The following AKAP9 variants were observed in gnomAD, a reference collection of about 807,000 sequenced individuals.
AKAP9 encodes the protein A-kinase anchoring protein 9, also known as A-kinase anchor protein 9.
In AKAP9, 311 loss-of-function variants were observed where a neutral mutation model predicts 488.5. The observed-to-expected ratio is 0.64, with a 90% CI of 0.58 to 0.70. The LOEUF (loss-of-function observed/expected upper bound fraction) is 0.70. Among genes scored for constraint, AKAP9 ranks in the 30% least tolerant of loss-of-function variants. The pLI is 0.00. For missense variants in AKAP9, 4,215 were observed against 4,374.5 expected, an observed-to-expected ratio of 0.96 and a Z score of 1.03; for synonymous variants, 1,462 against 1,483.5, an observed-to-expected ratio of 0.99 and a Z score of 0.33.
At chr7:92,061,996 C>T (rs1359940204) in intron 23 of AKAP9, among the ~76,000 whole-genome samples, 1 of 152,128 alleles carries the variant, frequency 6.6e-6, no homozygotes, top group East Asian at 1.9e-4. Flanking sequence ...AAGTGACTTA[C>T]ACCTACATAA....
chr7:92,062,081 A>G (rs535969091), intron 23 of AKAP9, among the ~76,000 whole-genome samples, 193 bp from the exon 24 acceptor site: 1 of 152,308 alleles, frequency 6.6e-6, no homozygotes, highest in East Asian at 1.9e-4. Context: ...TAAACAAGGA[A>G]ATGTCTGCAT....
At chr7:91,990,907 G>T (rs1246161293) in intron 3 of AKAP9, among the ~76,000 whole-genome samples, 2 of 152,116 alleles carry the variant, frequency 1.3e-5, no homozygotes, top group South Asian at 2.1e-4. Flanking sequence ...ATTGTGCCTT[G>T]TTCTGGTAGC....
At position 92,018,431 on chromosome 7, in the gene AKAP9, CACACACACACAG is replaced by C. The variant is rs773939162; in HGVS notation, c.3837+1331_3837+1342del. On this transcript the variant is annotated intron_variant, in intron 12 of 49. Transcript: ENST00000356239. ...ACACACACACACACACACACACACA[CACACACACACAG>C]AGAAATATTCAAAACTAAATGTTCT... is the stretch of plus-strand genomic sequence containing the variant. Among the ~76,000 whole-genome samples the C allele has an allele frequency of 2.3e-3, 321 of 138,424 alleles. 4 individuals are homozygous for C. The highest frequency in any genetic ancestry group is 5.0e-3 in the African/African-American group (183 of 36,480). 90.8% of individuals were successfully genotyped at this position (138,424 alleles called of 152,430 possible).
chr7:92,007,543 A>T (rs931742725), intron 8 of AKAP9, among the ~76,000 whole-genome samples: 1 of 152,240 alleles, frequency 6.6e-6, no homozygotes, highest in Non-Finnish European at 1.5e-5. Flanking sequence ...AAATAAAATT[A>T]TAACACTTTA....
chr7:92,106,720 A>C (rs546864654), intron 47 of AKAP9, among the ~76,000 whole-genome samples: 2 of 152,342 alleles, frequency 1.3e-5, no homozygotes, highest in Admixed American at 1.3e-4. Context: ...AGGACACAGC[A>C]TCCCTGTGCT....
chr7:91,940,967 C>A lies in AKAP9; in HGVS notation c.-133C>A. On this transcript the variant is annotated 5_prime_UTR_variant, in exon 1 of 50. Transcript: ENST00000356239. Reference sequence around the variant, plus strand: ...GCGCGGAGACTGCTTCCACTTCGGGCGGGGGAGCGCCGGACCGAATCGGCT... The same window carrying A: ...GCGCGGAGACTGCTTCCACTTCGGGAGGGGGAGCGCCGGACCGAATCGGCT... 1 of 934,560 alleles carries A rather than the reference C, an allele frequency of 1.1e-6. No individual in the cohort carries two copies. The highest frequency in any genetic ancestry group is 1.7e-6 in the Non-Finnish European group (1 of 572,826). The allele number at this position is 934,560 out of a possible 1,614,324, so 57.9% of individuals were successfully genotyped here. A position where few individuals can be genotyped will look rare whatever the true frequency, so the allele number is the denominator to read the frequency against.
chr7:92,014,282 G>A lies in AKAP9; in HGVS notation c.3566G>A (p.Gly1189Glu), dbSNP rs771485090. The A allele has an allele frequency of 6.8e-6, 11 of 1,613,354 alleles. No homozygotes were observed. The highest frequency in any genetic ancestry group is 6.7e-5 in the Admixed American group (4 of 59,994). ...DEGKPLHLLI[G>E]KLQKAVSEEC... ...GGAAAGCCTTTACATCTGCTCATTG[G>A]AAAACTTCAAAAGGCAGTGTCTGAA... The change falls in exon 10 of 50, where the codon GGA (glycine) becomes GAA (glutamate). Residue 1189 changes from glycine to glutamate, a missense_variant. Transcript: ENST00000356239.
chr7:91,988,080 T>C (rs1233173508), intron 3 of AKAP9, among the ~76,000 whole-genome samples: 1 of 152,040 alleles, frequency 6.6e-6, no homozygotes, highest in Non-Finnish European at 1.5e-5. Context: ...CTTGGGAGGC[T>C]GAGGTTACAT....
chr7:92,094,831 C>T (rs751020232), intron 39 of AKAP9, among the ~76,000 whole-genome samples, 192 bp from the exon 40 acceptor site: 5 of 151,940 alleles, frequency 3.3e-5, no homozygotes, highest in Admixed American at 6.6e-5. Flanking sequence ...GACTCCGTCT[C>T]GAAACAAAAC....
At chr7:92,104,529 A>G (rs1304162839) in intron 46 of AKAP9, among the ~76,000 whole-genome samples, 1 of 152,110 alleles carries the variant, frequency 6.6e-6, no homozygotes, top group African/African-American at 2.4e-5. Flanking sequence ...TTTAATTGGA[A>G]GCTGTCTGAG....
In AKAP9 at chr7:92,001,322, G is replaced by A; in HGVS notation, c.1405G>A (p.Gly469Arg). The A allele has an allele frequency of 6.2e-7, 1 of 1,613,812 alleles. No homozygotes were observed. The highest frequency in any genetic ancestry group is 8.5e-7 in the Non-Finnish European group (1 of 1,179,820). ...QMEEMKTRHK[G>R]EMENALRSYS... ...GGAGGAAATGAAAACACGGCATAAG[G>A]GAGAAATGGAGAATGCTTTAAGGTC... is the stretch of plus-strand genomic sequence containing the variant. Residue 469 changes from glycine (G) to arginine (R), a missense_variant, in exon 8 of 50, where the codon GGA becomes AGA. This residue lies in a region of AKAP9 where 2,361 missense variants were observed against 2,430.0 expected (regional missense o/e 0.97). Coordinates refer to ENST00000356239, the MANE Select transcript of AKAP9 (RefSeq NM_005751.5).
rs959842634 is a variant in AKAP9, at chr7:91,944,300, G to A, written c.48+3153G>A. Among the ~76,000 whole-genome samples, 5 of 152,054 alleles carry A rather than the reference G, an allele frequency of 3.3e-5. 1 individual carries two copies. In the Middle Eastern group the frequency reaches 0.01, roughly 312 times the overall value. ...AAATCGTGGCTATCTCTGGGTGGTG[G>A]CTTATAGGCAATTTTAATTTTCTTT... On this transcript the variant is annotated intron_variant, in intron 1 of 49. Coordinates refer to ENST00000356239, the MANE Select transcript of AKAP9 (RefSeq NM_005751.5).
chr7:92,009,948 C>G (rs997831197), intron 8 of AKAP9, among the ~76,000 whole-genome samples: 1 of 152,112 alleles, frequency 6.6e-6, no homozygotes, highest in African/African-American at 2.4e-5. Flanking sequence ...CAGACAATCA[C>G]ATTTCACTAT....
At position 92,002,038 on chromosome 7, in the gene AKAP9, GTC is replaced by G; in HGVS notation, c.2125_2126del (p.Leu709CysfsTer14). On this transcript the variant is annotated frameshift_variant, in exon 8 of 50. Coordinates refer to ENST00000356239, the MANE Select transcript of AKAP9 (RefSeq NM_005751.5). LOFTEE classifies it high-confidence loss of function. ...EISKLKDLQQ[S>X]LVNSKSEEMT... is the part of the protein sequence containing the mutation. The stretch of plus-strand genomic sequence containing the variant: ...TTTCAAAGCTAAAAGATTTACAGCA[GTC>G]TCTTGTAAATTCAAAGTCAGAAGAA... The G allele has an allele frequency of 6.2e-7, 1 of 1,606,318 alleles. No homozygotes were observed. The highest frequency in any genetic ancestry group is 8.5e-7 in the Non-Finnish European group (1 of 1,177,674).
Position 92,108,496 on chromosome 7 carries a change from A to G in AKAP9, c.11549A>G (p.Tyr3850Cys), listed in dbSNP as rs751615449. 1.7e-5 allele frequency: 27 copies of G among 1,613,960 alleles called. No homozygotes were observed. The South Asian group carries it at 2.1e-4, about 12-fold the overall frequency. ...TGTACATATTTTTAATCCTTTAGGT[A>G]CCCAGGCACTCCAGCTGATTTCAAT... ...IRSPLPFQNRYPGTPADFNPG... is the reference protein window; with the variant it reads ...IRSPLPFQNRCPGTPADFNPG... Residue 3850 changes from tyrosine (Y) to cysteine (C), a missense_variant and splice_region_variant, in exon 49 of 50, where the codon TAC becomes TGC. Physicochemically the swap from Tyr to Cys is radical, Grantham distance 194 (BLOSUM62 -2). Transcript: ENST00000356239.
intron 16 of AKAP9, among the ~76,000 whole-genome samples, chr7:92,033,767 A>G (rs1025147925): frequency 7.2e-5 from 11 of 152,194 alleles, no homozygotes; most frequent in African/African-American, 2.7e-4. Flanking sequence ...GCACAAGGCT[A>G]TATAGAAGAA....
In AKAP9 at chr7:92,086,212, A is replaced by G. The variant is rs752185959; in HGVS notation, c.9025-16A>G. The G allele has an allele frequency of 1.6e-5, 25 of 1,604,616 alleles. No homozygotes were observed. Among genetic ancestry groups the G allele is most frequent in the Middle Eastern group, 1.6e-4 (1 of 6,066 alleles). The stretch of plus-strand genomic sequence containing the variant: ...GCTTATTTGAAAACTAACTATCGTT[A>G]TATGTACTTTGCTAGGTTTATGATA... On this transcript the variant is annotated splice_polypyrimidine_tract_variant and intron_variant, in intron 36 of 49. Transcript: ENST00000356239.
chr7:92,029,704 C>G (rs1449315957), intron 14 of AKAP9, among the ~76,000 whole-genome samples, 191 bp from the exon 15 acceptor site: 1 of 152,138 alleles, frequency 6.6e-6, no homozygotes, highest in Non-Finnish European at 1.5e-5. Context: ...TGGTAAAATA[C>G]TGTTATTCAA....
At chr7:92,074,625 A>T (rs925984069) in intron 28 of AKAP9, among the ~76,000 whole-genome samples, 2 of 152,234 alleles carry the variant, frequency 1.3e-5, no homozygotes, top group African/African-American at 4.8e-5. Flanking sequence ...ATGTCCATTA[A>T]TGATAAACTG....
Sources: gnomAD v4.1 joint callset for allele counts (sites outside exome capture counted in the v4.1 genomes callset) on GRCh38, gnomAD v4.1.1 for gene constraint, gnomAD v4.1.1 regional missense constraint, MANE v1.5 for transcripts, NCBI Gene and HGNC (gene_info 2026-07-23, HGNC 2026-07-21) for gene names.